Variants in MTUS1 observed in about 807,000 individuals in gnomAD.
MTUS1 encodes the protein microtubule associated scaffold protein 1, also known as microtubule-associated tumor suppressor 1.
MTUS1 carries 109 observed loss-of-function variants against 120.8 expected under a neutral mutation model. The ratio of observed to expected loss-of-function variants is 0.90; its 90% CI spans 0.77 to 1.06. The LOEUF is 1.06. MTUS1 is among the 50% of genes least tolerant of loss of function. The probability of loss-of-function intolerance (pLI) is 0.00; values close to 1 mark genes in which losing one functional copy is unlikely to be tolerated. For missense variants in MTUS1, 2,210 were observed against 1,486.3 expected, an observed-to-expected ratio of 1.49 and a Z score of -8.01; for synonymous variants, 737 against 550.5, an observed-to-expected ratio of 1.34 and a Z score of -4.74.
At chr8:17,759,587 T>C (rs1444387728) in intron 1 of MTUS1, among the ~76,000 whole-genome samples, 4 of 148,252 alleles carry the variant, frequency 2.7e-5, no homozygotes, top group Non-Finnish European at 4.5e-5. Context: ...TGTTACTATA[T>C]ATGTATATTT....
chr8:17,776,853 T>A (rs570945421), intron 1 of MTUS1, among the ~76,000 whole-genome samples: 2 of 152,206 alleles, frequency 1.3e-5, no homozygotes, highest in East Asian at 3.9e-4. Flanking sequence ...AAATACAAAT[T>A]TAAGGAAATA....
chr8:17,750,343 A>T (rs1346667117), intron 2 of MTUS1, among the ~76,000 whole-genome samples: 5 of 152,224 alleles, frequency 3.3e-5, no homozygotes, highest in Admixed American at 3.3e-4. Context: ...GGCTAAATTC[A>T]TCTCCCAGAG....
chr8:17,678,623 C>T (rs7826431), intron 7 of MTUS1, among the ~76,000 whole-genome samples: 33,629 of 151,888 alleles, frequency 0.22, 4,171 homozygotes, highest in African/African-American at 0.34. Context: ...CTGACCTCCT[C>T]CCCATCACCC....
At chr8:17,669,942 G>A (rs1320098153) in intron 8 of MTUS1, among the ~76,000 whole-genome samples, 2 of 152,228 alleles carry the variant, frequency 1.3e-5, no homozygotes, top group East Asian at 3.9e-4. Context: ...CGCAGGCCTG[G>A]AGGCAAGGTG....
chr8:17,737,038 C>T (rs1038576254), intron 3 of MTUS1, among the ~76,000 whole-genome samples: 2 of 152,174 alleles, frequency 1.3e-5, no homozygotes, highest in Admixed American at 1.3e-4. Flanking sequence ...CACAAACCAG[C>T]CTTCCCCACA....
intron 6 of MTUS1, among the ~76,000 whole-genome samples, chr8:17,685,026 C>T (rs576891016): frequency 6.6e-6 from 1 of 152,248 alleles, no homozygotes; most frequent in African/African-American, 2.4e-5. Context: ...CTAGCCATTA[C>T]ACAGATTTAT....
At chr8:17,682,866 C>G (rs1304040273) in intron 7 of MTUS1, among the ~76,000 whole-genome samples, 4 of 152,016 alleles carry the variant, frequency 2.6e-5, no homozygotes, top group Non-Finnish European at 5.9e-5. Flanking sequence ...AACAAAAATA[C>G]CATATACTAT....
At chr8:17,738,271 C>T (rs972006865) in intron 3 of MTUS1, among the ~76,000 whole-genome samples, 4 of 152,176 alleles carry the variant, frequency 2.6e-5, no homozygotes, top group African/African-American at 7.2e-5. Context: ...TTCTTTGTGC[C>T]GCTTTGTGTT....
At chr8:17,787,975 G>C (rs1239584053) in intron 1 of MTUS1, among the ~76,000 whole-genome samples, 1 of 152,176 alleles carries the variant, frequency 6.6e-6, no homozygotes, top group African/African-American at 2.4e-5. Flanking sequence ...CAAAAAATTA[G>C]CTGGGCGTGG....
At chr8:17,791,764 G>C (rs2051803389) in intron 1 of MTUS1, among the ~76,000 whole-genome samples, 1 of 152,126 alleles carries the variant, frequency 6.6e-6, no homozygotes, top group Admixed American at 6.5e-5. Flanking sequence ...ACTCCCAACC[G>C]ACAGCACCAG....
At chr8:17,764,133 T>C (rs967362566) in intron 1 of MTUS1, among the ~76,000 whole-genome samples, 2 of 152,140 alleles carry the variant, frequency 1.3e-5, no homozygotes, top group African/African-American at 2.4e-5. Flanking sequence ...TGTAACTACT[T>C]TGAAAGAAGA....
intron 1 of MTUS1, among the ~76,000 whole-genome samples, chr8:17,761,719 C>A (rs576873750): frequency 6.6e-6 from 1 of 152,188 alleles, no homozygotes; most frequent in Non-Finnish European, 1.5e-5. Flanking sequence ...TATAACCACA[C>A]AGAATGTAAT....
chr8:17,711,790 G>C (rs1346572869), intron 6 of MTUS1, among the ~76,000 whole-genome samples: 4 of 152,180 alleles, frequency 2.6e-5, no homozygotes, highest in Non-Finnish European at 4.4e-5. Context: ...TTTAAAGTGA[G>C]AGACATGCAA....
At chr8:17,735,339 C>T (rs1249924310) in intron 3 of MTUS1, among the ~76,000 whole-genome samples, 1 of 152,028 alleles carries the variant, frequency 6.6e-6, no homozygotes, top group Non-Finnish European at 1.5e-5. Context: ...GGACTGTTCA[C>T]ACCAACAGAA....
At chr8:17,676,560 T>G in intron 7 of MTUS1, 1 of 569,804 alleles carries the variant, frequency 1.8e-6, no homozygotes, top group Non-Finnish European at 3.1e-6. Context: ...AGCCTGTGAT[T>G]ACTTAAAGCC....
chr8:17,741,647 T>G (rs570844910), intron 3 of MTUS1, among the ~76,000 whole-genome samples: 2 of 152,228 alleles, frequency 1.3e-5, no homozygotes, highest in African/African-American at 4.8e-5. Flanking sequence ...TGGGTGGGAC[T>G]GATCGCCTAC....
intron 6 of MTUS1, among the ~76,000 whole-genome samples, chr8:17,703,680 C>A (rs1819572317): frequency 6.6e-6 from 1 of 151,636 alleles, no homozygotes; most frequent in Non-Finnish European, 1.5e-5. Flanking sequence ...TCCTAGTCTC[C>A]TGCAGTACCC....
intron 6 of MTUS1, among the ~76,000 whole-genome samples, chr8:17,712,051 TATA>T (rs1238533826): frequency 6.6e-6 from 1 of 152,040 alleles, no homozygotes; most frequent in Non-Finnish European, 1.5e-5. Context: ...CCGTAAAAGA[TATA>T]ATAATAATGA....
At chr8:17,788,891 T>A (rs1173476488) in intron 1 of MTUS1, among the ~76,000 whole-genome samples, 2 of 152,224 alleles carry the variant, frequency 1.3e-5, no homozygotes, top group African/African-American at 4.8e-5. Flanking sequence ...CCAAAGTATT[T>A]ACTTTTATAC....
Sources: gnomAD v4.1 joint callset for allele counts (sites outside exome capture counted in the v4.1 genomes callset) on GRCh38, gnomAD v4.1.1 for gene constraint, MANE v1.5 for transcripts, NCBI Gene and HGNC (gene_info 2026-07-23, HGNC 2026-07-21) for gene names.